Variants in DCDC1 observed in about 807,000 individuals in gnomAD.
The protein encoded by DCDC1 is doublecortin domain-containing protein 1.
DCDC1 carries 200 observed loss-of-function variants against 178.3 expected under a neutral mutation model. The observed-to-expected ratio is 1.12, with a 90% CI of 1.00 to 1.26. The LOEUF (loss-of-function observed/expected upper bound fraction) is 1.26. Among genes scored for constraint, DCDC1 ranks in the 50% most tolerant of loss-of-function variants. DCDC1 has a pLI of 0.00. For synonymous variants in DCDC1, 690 were observed against 604.8 expected (o/e 1.14, Z -2.07); for missense variants, 1,983 against 1,749.2 (o/e 1.13, Z -2.38).
chr11:31,047,434 TA>T (rs1954918877), intron 20 of DCDC1, among the ~76,000 whole-genome samples: 1 of 152,154 alleles, frequency 6.6e-6, no homozygotes, highest in Non-Finnish European at 1.5e-5. Flanking sequence ...CAAGATTGTA[TA>T]TTTTTTTCTG....
At chr11:31,081,711 T>C (rs548457867) in intron 17 of DCDC1, among the ~76,000 whole-genome samples, 2 of 152,322 alleles carry the variant, frequency 1.3e-5, no homozygotes, top group South Asian at 4.1e-4. Context: ...TTCTGGCATA[T>C]CTTTTCCTAG....
intron 9 of DCDC1, among the ~76,000 whole-genome samples, chr11:31,182,726 A>C (rs1968972489): frequency 6.6e-6 from 1 of 152,212 alleles, no homozygotes; most frequent in Non-Finnish European, 1.5e-5. Context: ...CATCATAATG[A>C]CAGGATCAAA....
At chr11:30,978,451 T>C (rs1316093314) in intron 20 of DCDC1, among the ~76,000 whole-genome samples, 2 of 152,176 alleles carry the variant, frequency 1.3e-5, no homozygotes, top group Non-Finnish European at 2.9e-5. Context: ...AAGTAAAGTT[T>C]CTCTTTTTAT....
At chr11:31,027,352 G>A (rs1225157730) in intron 20 of DCDC1, among the ~76,000 whole-genome samples, 1 of 151,636 alleles carries the variant, frequency 6.6e-6, no homozygotes, top group Non-Finnish European at 1.5e-5. Context: ...TGTGTTAAAG[G>A]CACAAAGGAT....
intron 36 of DCDC1, among the ~76,000 whole-genome samples, chr11:30,890,827 AG>A (rs1162241002): frequency 1.3e-5 from 2 of 152,198 alleles, no homozygotes; most frequent in African/African-American, 4.8e-5. Context: ...TATTTCAAAA[AG>A]GTAGTTTTGA....
intron 9 of DCDC1, among the ~76,000 whole-genome samples, chr11:31,188,241 C>T (rs768804279): frequency 1.3e-5 from 2 of 152,052 alleles, no homozygotes; most frequent in African/African-American, 2.4e-5. Context: ...AGATAGTAAA[C>T]GGCTTCCTGC....
intron 20 of DCDC1, among the ~76,000 whole-genome samples, chr11:30,980,347 C>T (rs1196132275): frequency 6.6e-6 from 1 of 152,202 alleles, no homozygotes; most frequent in Non-Finnish European, 1.5e-5. Flanking sequence ...CTTCTTTTCA[C>T]TTCTAGACCA....
chr11:31,104,777 A>C (rs1958742468), intron 13 of DCDC1, among the ~76,000 whole-genome samples: 1 of 152,082 alleles, frequency 6.6e-6, no homozygotes, highest in South Asian at 2.1e-4. Flanking sequence ...GCCGTTCAAG[A>C]GGGAGAGAGA....
rs911343256 is a variant in DCDC1 at position 31,268,073 on chromosome 11, T to C, written c.961-2473A>G. Reference sequence around the variant, plus strand: ...ACTGTAAGCAAGACATAATCTCCTCTTTACAACCCCACATTACTTATCTTT... The same window carrying C: ...ACTGTAAGCAAGACATAATCTCCTCCTTACAACCCCACATTACTTATCTTT... On this transcript the variant is annotated intron_variant, in intron 7 of 38. Coordinates refer to ENST00000684477, the MANE Select transcript of DCDC1 (RefSeq NM_001387274.1). Among the ~76,000 whole-genome samples the C allele has an allele frequency of 2.6e-5, 4 of 152,244 alleles. No individual in the cohort carries two copies. In the South Asian group the frequency reaches 6.2e-4, roughly 24 times the overall value.
At chr11:31,206,484 G>A (rs1251975755) in intron 9 of DCDC1, among the ~76,000 whole-genome samples, 2 of 152,134 alleles carry the variant, frequency 1.3e-5, no homozygotes, top group Admixed American at 6.5e-5. Context: ...AGTGAACTCC[G>A]CTCACTGCAA....
At chr11:30,999,930 G>A (rs1311052314) in intron 20 of DCDC1, among the ~76,000 whole-genome samples, 1 of 152,046 alleles carries the variant, frequency 6.6e-6, no homozygotes, top group East Asian at 1.9e-4. Context: ...GACTTGACTC[G>A]TTCTCCCCTT....
intron 18 of DCDC1, among the ~76,000 whole-genome samples, chr11:31,070,351 G>T (rs1320918846): frequency 6.6e-6 from 1 of 152,058 alleles, no homozygotes; most frequent in Non-Finnish European, 1.5e-5. Flanking sequence ...AACTTCACCA[G>T]TGCATCACCC....
chr11:31,147,075 C>A (rs1205897006), intron 9 of DCDC1, among the ~76,000 whole-genome samples: 1 of 152,170 alleles, frequency 6.6e-6, no homozygotes, highest in Non-Finnish European at 1.5e-5. Context: ...TTGTCTTCCT[C>A]CCTAAGCTAC....
intron 9 of DCDC1, among the ~76,000 whole-genome samples, chr11:31,184,774 C>G (rs1035227379): frequency 1.3e-5 from 2 of 152,110 alleles, no homozygotes; most frequent in African/African-American, 4.8e-5. Flanking sequence ...ACAACAGATG[C>G]TAGAGAGGAT....
chr11:30,903,577 G>A lies in DCDC1; in HGVS notation c.4415C>T (p.Ala1472Val). 1 of 1,609,550 alleles carries A rather than the reference G, an allele frequency of 6.2e-7. No individual in the cohort carries two copies. Among genetic ancestry groups the A allele is most frequent in the East Asian group, 2.2e-5 (1 of 44,798 alleles). The change falls in exon 32 of 39, where the codon GCT becomes GTT. Residue 1472 changes from alanine (A) to valine (V), a missense_variant. Transcript: ENST00000684477. ...IFTLRDLVLW[A>V]LDESFLQRDS... ...TCTCTGGAGAAAGGATTCATCTAGA[G>A]CCCATAAAACCAAATCACGCAAGGT... is the stretch of plus-strand genomic sequence containing the variant.
intron 9 of DCDC1, among the ~76,000 whole-genome samples, chr11:31,225,846 G>A (rs1436940526): frequency 2.0e-5 from 3 of 151,566 alleles, no homozygotes; most frequent in South Asian, 2.1e-4. Flanking sequence ...CGTGTCTGGA[G>A]TATTTCATTA....
At chr11:30,998,750 AT>A (rs1951410419) in intron 20 of DCDC1, among the ~76,000 whole-genome samples, 1 of 152,122 alleles carries the variant, frequency 6.6e-6, no homozygotes, top group African/African-American at 2.4e-5. Flanking sequence ...ATGTCCACAA[AT>A]TTTTTAATGG....
At chr11:31,096,874 C>T (rs1413598013) in intron 15 of DCDC1, among the ~76,000 whole-genome samples, 1 of 152,088 alleles carries the variant, frequency 6.6e-6, no homozygotes, top group Non-Finnish European at 1.5e-5. Flanking sequence ...AAAAAAAGTG[C>T]TCTGACAATC....
chr11:30,891,286 A>G (rs971063729), intron 36 of DCDC1, among the ~76,000 whole-genome samples: 1 of 152,214 alleles, frequency 6.6e-6, no homozygotes, highest in Non-Finnish European at 1.5e-5. Flanking sequence ...AGGGCTCTTC[A>G]TATATAAAGC....
Sources: allele counts gnomAD v4.1 joint callset (sites outside exome capture counted in the v4.1 genomes callset), GRCh38; gene constraint gnomAD v4.1.1; transcripts MANE v1.5; gene names NCBI Gene and HGNC (gene_info 2026-07-23, HGNC 2026-07-21).